The following CNTN3 variants were observed in gnomAD, a reference collection of about 807,000 sequenced individuals.
The protein encoded by CNTN3 is contactin-3.
Under a neutral mutation model 119.1 loss-of-function variants are expected in CNTN3, and 60 were observed. That is an observed-to-expected ratio of 0.50 (90% confidence interval 0.41 to 0.62). The LOEUF is 0.62. Among genes scored for constraint, CNTN3 ranks in the 20% least tolerant of loss-of-function variants. The pLI, the probability that CNTN3 is intolerant of heterozygous loss-of-function variation, is 0.00. For synonymous variants in CNTN3, 450 were observed against 438.7 expected, an observed-to-expected ratio of 1.03 and a Z score of -0.32; for missense variants, 1,101 against 1,242.4, an observed-to-expected ratio of 0.89 and a Z score of 1.71.
chr3:74,401,523 C>A (rs1705194176), intron 5 of CNTN3, among the ~76,000 whole-genome samples: 1 of 152,056 alleles, frequency 6.6e-6, no homozygotes, highest in Admixed American at 6.5e-5. Context: ...CACGCACACA[C>A]ACACACACAG....
At chr3:74,502,358 T>C (rs1320912588) in intron 2 of CNTN3, among the ~76,000 whole-genome samples, 2 of 152,120 alleles carry the variant, frequency 1.3e-5, no homozygotes, top group Non-Finnish European at 2.9e-5. Context: ...ATCCTATCAT[T>C]ATCTAATAAA....
At chr3:74,363,659 G>A (rs1002425884) in intron 10 of CNTN3, among the ~76,000 whole-genome samples, 2 of 152,122 alleles carry the variant, frequency 1.3e-5, no homozygotes, top group Non-Finnish European at 1.5e-5. Flanking sequence ...TAAGACAGCC[G>A]TCTTTCTTCC....
At chr3:74,367,449 G>C (rs1181767157) in intron 8 of CNTN3, among the ~76,000 whole-genome samples, 1 of 151,738 alleles carries the variant, frequency 6.6e-6, no homozygotes, top group African/African-American at 2.4e-5. Flanking sequence ...ATTATTCTCT[G>C]TTCCAAAGTG....
chr3:74,337,436 A>C (rs906167125), intron 11 of CNTN3, among the ~76,000 whole-genome samples: 1 of 152,138 alleles, frequency 6.6e-6, no homozygotes, highest in Non-Finnish European at 1.5e-5. Context: ...GCTGCTGCTA[A>C]AGATATACCC....
intron 1 of CNTN3, among the ~76,000 whole-genome samples, chr3:74,552,894 C>T (rs914823722): frequency 6.6e-6 from 1 of 152,126 alleles, no homozygotes; most frequent in Non-Finnish European, 1.5e-5. Context: ...TTTCCTGAGT[C>T]CCCCCAGGCC....
At chr3:74,566,759 T>A (rs115350912) in intron 1 of CNTN3, among the ~76,000 whole-genome samples, 1 of 152,170 alleles carries the variant, frequency 6.6e-6, no homozygotes, top group African/African-American at 2.4e-5. Flanking sequence ...ATGACTTATA[T>A]CTTTTTGAGA....
chr3:74,417,184 T>C (rs1460975837), intron 5 of CNTN3, among the ~76,000 whole-genome samples: 1 of 152,126 alleles, frequency 6.6e-6, no homozygotes, highest in Non-Finnish European at 1.5e-5. Flanking sequence ...ATTGTCATTC[T>C]AGGGTTAACT....
intron 5 of CNTN3, among the ~76,000 whole-genome samples, chr3:74,385,261 G>A (rs531142662): frequency 1.3e-5 from 2 of 152,164 alleles, no homozygotes; most frequent in Non-Finnish European, 2.9e-5. Flanking sequence ...ATCCCCTAGG[G>A]TGCTGGATGA....
chr3:74,513,350 T>C (rs1399373529), intron 2 of CNTN3, among the ~76,000 whole-genome samples: 4 of 152,126 alleles, frequency 2.6e-5, no homozygotes, highest in South Asian at 2.1e-4. Context: ...GTTCAGCCAA[T>C]AGCAGCTTTC....
chr3:74,573,096 C>T (rs1704360460), intron 1 of CNTN3, among the ~76,000 whole-genome samples: 1 of 152,180 alleles, frequency 6.6e-6, no homozygotes, highest in South Asian at 2.1e-4. Context: ...ATGCCTGCAG[C>T]CCAGAGCTGC....
At chr3:74,412,497 T>C (rs1701456266) in intron 5 of CNTN3, among the ~76,000 whole-genome samples, 2 of 152,178 alleles carry the variant, frequency 1.3e-5, no homozygotes, top group Non-Finnish European at 1.5e-5. Flanking sequence ...CTGAATCTAA[T>C]GAAAAGTGGA....
At chr3:74,520,317 A>G (rs2107120489) in intron 2 of CNTN3, among the ~76,000 whole-genome samples, 1 of 151,632 alleles carries the variant, frequency 6.6e-6, no homozygotes, top group Admixed American at 6.6e-5. Flanking sequence ...CTACATCTCA[A>G]TAATACCTAC....
Position 74,275,597 on chromosome 3 carries a change from C to T in CNTN3, c.2705-8219G>A, listed in dbSNP as rs747023447. On this transcript the variant is annotated intron_variant, in intron 20 of 22. Transcript: ENST00000263665. ...CAGTCTTTTTTCAGACAAATCGCCA[C>T]GACAAGAACTGCTAAAAGGAGCTCT... Among the ~76,000 whole-genome samples, 20 of 151,860 alleles carry T rather than the reference C, an allele frequency of 1.3e-4. No homozygotes were observed. In the South Asian group the frequency reaches 1.5e-3, roughly 11 times the overall value.
At chr3:74,571,466 T>C (rs900252421) in intron 1 of CNTN3, among the ~76,000 whole-genome samples, 6 of 152,158 alleles carry the variant, frequency 3.9e-5, no homozygotes, top group African/African-American at 1.4e-4. Flanking sequence ...TCATTGATTG[T>C]GGAACCCTGG....
chr3:74,488,488 C>T (rs1013048829), intron 3 of CNTN3, among the ~76,000 whole-genome samples: 1 of 152,054 alleles, frequency 6.6e-6, no homozygotes, highest in Non-Finnish European at 1.5e-5. Flanking sequence ...GGTTTTAGTT[C>T]TTAAATTAAG....
intron 5 of CNTN3, among the ~76,000 whole-genome samples, chr3:74,402,816 GTGGACCTCTT>G (rs1437740050): frequency 2.0e-5 from 3 of 152,212 alleles, no homozygotes; most frequent in African/African-American, 7.2e-5. Context: ...ATTCAGGAAA[GTGGACCTCTT>G]TGTTCAGCCT....
chr3:74,524,411 G>T (rs756059661), intron 1 of CNTN3, among the ~76,000 whole-genome samples: 2 of 151,752 alleles, frequency 1.3e-5, no homozygotes, highest in Non-Finnish European at 2.9e-5. Flanking sequence ...TTTATAAATT[G>T]CCCACATGAA....
chr3:74,459,814 C>T (rs1275256917), intron 4 of CNTN3, among the ~76,000 whole-genome samples: 1 of 151,974 alleles, frequency 6.6e-6, no homozygotes, highest in Non-Finnish European at 1.5e-5. Flanking sequence ...CTTTCATAAA[C>T]TCGGGCTATT....
At chr3:74,440,276 A>G (rs1164717949) in intron 4 of CNTN3, among the ~76,000 whole-genome samples, 2 of 152,168 alleles carry the variant, frequency 1.3e-5, no homozygotes, top group Non-Finnish European at 2.9e-5. Context: ...CACATATTAT[A>G]TATTAGTACA....
Sources: allele counts gnomAD v4.1 joint callset (sites outside exome capture counted in the v4.1 genomes callset), GRCh38; gene constraint gnomAD v4.1.1; transcripts MANE v1.5; gene names NCBI Gene and HGNC (gene_info 2026-07-23, HGNC 2026-07-21).